Variants in THRB observed in about 807,000 individuals in gnomAD.
THRB encodes thyroid hormone receptor beta.
Under a neutral mutation model 47.8 loss-of-function variants are expected in THRB, and 12 were observed. The ratio of observed to expected loss-of-function variants is 0.25; its 90% CI spans 0.16 to 0.41. The LOEUF (loss-of-function observed/expected upper bound fraction) is 0.41, where lower values mean the gene tolerates loss of function less well. Ranked by LOEUF, THRB falls within the 10% of genes least tolerant of loss-of-function variation. The pLI is 1.00. For missense variants in THRB, 348 were observed against 589.2 expected (o/e 0.59, Z 4.24); for synonymous variants, 218 against 212.2 (o/e 1.03, Z -0.24).
At chr3:24,417,131 CACACA>C (rs879619669) in intron 1 of THRB, among the ~76,000 whole-genome samples, 33,551 of 144,354 alleles carry the variant, frequency 0.23, 4,322 homozygotes, top group East Asian at 0.38. Context: ...CACACACACA[CACACA>C]CACGCGCAAC....
At chr3:24,170,777 C>T (rs2040326100) in intron 5 of THRB, among the ~76,000 whole-genome samples, 1 of 151,970 alleles carries the variant, frequency 6.6e-6, no homozygotes. Flanking sequence ...CCTGAAAGCC[C>T]TGACACTCTT....
At chr3:24,172,362 A>G (rs2040543554) in intron 5 of THRB, among the ~76,000 whole-genome samples, 1 of 152,248 alleles carries the variant, frequency 6.6e-6, no homozygotes, top group Non-Finnish European at 1.5e-5. Flanking sequence ...GCAAATCCCC[A>G]GGTGGGCACA....
intron 8 of THRB, 96 bp downstream of exon 8, chr3:24,143,405 C>G (rs192651649): frequency 0.03 from 36,039 of 1,217,602 alleles, 677 homozygotes; most frequent in South Asian, 0.051. Context: ...TAAAATGAGG[C>G]AATAACACCA....
At chr3:24,332,966 T>G (rs941268717) in intron 2 of THRB, among the ~76,000 whole-genome samples, 2 of 152,034 alleles carry the variant, frequency 1.3e-5, no homozygotes, top group African/African-American at 2.4e-5. Flanking sequence ...GTGCCTATAG[T>G]CCCAGTTACT....
At chr3:24,422,837 A>AC (rs1481914333) in intron 1 of THRB, among the ~76,000 whole-genome samples, 1 of 151,610 alleles carries the variant, frequency 6.6e-6, no homozygotes, top group East Asian at 2.0e-4. Context: ...TGCACATGCC[A>AC]CCCCCTCTTG....
chr3:24,359,527 C>T (rs73825627), intron 1 of THRB, among the ~76,000 whole-genome samples: 1 of 152,076 alleles, frequency 6.6e-6, no homozygotes, highest in African/African-American at 2.4e-5. Flanking sequence ...AGACCTTTAT[C>T]TCTTGATGAG....
intron 5 of THRB, among the ~76,000 whole-genome samples, chr3:24,155,448 A>G (rs1416158859): frequency 6.6e-6 from 1 of 152,192 alleles, no homozygotes; most frequent in Non-Finnish European, 1.5e-5. Flanking sequence ...CACCACAGGC[A>G]ATGATACATC....
At chr3:24,345,005 C>G (rs2062918889) in intron 1 of THRB, among the ~76,000 whole-genome samples, 1 of 152,074 alleles carries the variant, frequency 6.6e-6, no homozygotes, top group African/African-American at 2.4e-5. Context: ...TTGGCTTGCT[C>G]CCTAGTATCC....
At chr3:24,478,654 T>A (rs1560289193) in intron 1 of THRB, among the ~76,000 whole-genome samples, 1 of 151,982 alleles carries the variant, frequency 6.6e-6, no homozygotes, top group Non-Finnish European at 1.5e-5. Context: ...GGACAATGAT[T>A]CGTAATTTCT....
rs2031946523 is a variant in THRB at position 24,122,905 on chromosome 3, G to A, written c.1365C>T (p.Phe455=). 4 of 1,614,052 alleles carry A rather than the reference G, an allele frequency of 2.5e-6. No homozygotes were observed. The highest frequency in any genetic ancestry group is 1.3e-5 in the African/African-American group (1 of 74,906). Residue 455 remains phenylalanine (F), a synonymous_variant, in exon 11 of 11, where the codon TTC becomes TTT. Transcript: ENST00000646209. ...CAGTCTAATCCTCGAACACTTCCAA[G>A]AACAAAGGGGGGAAGAGTTCTGTGG... The part of the protein sequence containing the change: ...ECPTELFPPL[F]LEVFED
intron 8 of THRB, among the ~76,000 whole-genome samples, chr3:24,139,966 G>C (rs548268394): frequency 3.9e-4 from 60 of 152,034 alleles, no homozygotes; most frequent in Non-Finnish European, 7.3e-4. Context: ...AGGAAAAGGG[G>C]TGTTAGCACA....
At chr3:24,196,838 T>C (rs2044011820) in intron 4 of THRB, among the ~76,000 whole-genome samples, 1 of 152,246 alleles carries the variant, frequency 6.6e-6, no homozygotes, top group Non-Finnish European at 1.5e-5. Context: ...TTATCTGGCT[T>C]GATTAGCTTG....
intron 1 of THRB, among the ~76,000 whole-genome samples, chr3:24,340,653 A>C (rs555375772): frequency 1.3e-5 from 2 of 152,246 alleles, no homozygotes; most frequent in African/African-American, 2.4e-5. Flanking sequence ...TCACACATAC[A>C]AGTTAAAATA....
intron 1 of THRB, among the ~76,000 whole-genome samples, chr3:24,444,918 C>T (rs1000492833): frequency 4.6e-5 from 7 of 152,088 alleles, no homozygotes; most frequent in African/African-American, 1.2e-4. Flanking sequence ...AATTCCAATA[C>T]TCACCTTAAA....
At chr3:24,212,807 C>A (rs1354090347) in intron 4 of THRB, among the ~76,000 whole-genome samples, 1 of 152,106 alleles carries the variant, frequency 6.6e-6, no homozygotes, top group Non-Finnish European at 1.5e-5. Context: ...CTAGATGAAG[C>A]GACCTCCTCA....
intron 1 of THRB, among the ~76,000 whole-genome samples, chr3:24,364,051 T>A (rs2064269811): frequency 6.6e-6 from 1 of 152,126 alleles, no homozygotes; most frequent in African/African-American, 2.4e-5. Flanking sequence ...ACATTAGAAT[T>A]CTACCTAAGT....
intron 1 of THRB, among the ~76,000 whole-genome samples, chr3:24,376,872 A>ATATGTAGTATAAC (rs1553736785): frequency 1.3e-5 from 2 of 152,158 alleles, no homozygotes; most frequent in Non-Finnish European, 2.9e-5. Context: ...AAATTACTAC[A>ATATGTAGTATAAC]TATGTGATCT....
chr3:24,218,375 CCTT>C (rs1364462606), intron 4 of THRB, among the ~76,000 whole-genome samples: 3 of 124,330 alleles, frequency 2.4e-5, no homozygotes, highest in Non-Finnish European at 3.3e-5. Flanking sequence ...AAAGAAAAGT[CCTT>C]AGCTGTACGG....
chr3:24,195,326 T>C (rs551045694), intron 4 of THRB, among the ~76,000 whole-genome samples: 15 of 152,308 alleles, frequency 9.8e-5, no homozygotes, highest in African/African-American at 3.4e-4. Context: ...CACCTGCTCC[T>C]CTTTGCCTTT....
Sources: allele counts gnomAD v4.1 joint callset (sites outside exome capture counted in the v4.1 genomes callset), GRCh38; gene constraint gnomAD v4.1.1; transcripts MANE v1.5; gene names NCBI Gene and HGNC (gene_info 2026-07-23, HGNC 2026-07-21).